Variants in TPM1 observed in about 807,000 individuals in gnomAD.
TPM1 encodes tropomyosin alpha-1 chain.
In TPM1, 24 loss-of-function variants were observed where a neutral mutation model predicts 42.9. The ratio of observed to expected loss-of-function variants is 0.56; its 90% confidence interval spans 0.41 to 0.79. The LOEUF (loss-of-function observed/expected upper bound fraction) is 0.79. Among genes scored for constraint, TPM1 ranks in the 30% least tolerant of loss-of-function variants. The probability of loss-of-function intolerance (pLI) is 0.00; values close to 1 mark genes in which losing one functional copy is unlikely to be tolerated. For synonymous variants in TPM1, 136 were observed against 130.1 expected (o/e 1.05, Z -0.31); for missense variants, 158 against 351.8 (o/e 0.45, Z 4.41).
chr15:63,070,614 A>G, downstream of TPM1: 1 of 1,008,996 alleles, frequency 9.9e-7, no homozygotes, highest in Non-Finnish European at 1.2e-6. Context: ...ACAGAAATAA[A>G]TCATTTTAAA....
intron 5 of TPM1, 121 bp from the exon 6 acceptor site, chr15:63,061,592 A>T: frequency 1.0e-6 from 1 of 954,398 alleles, no homozygotes; most frequent in Non-Finnish European, 1.7e-6. Flanking sequence ...TGATTTGGCT[A>T]CTTTAAGGCA....
intron 2 of TPM1, among the ~76,000 whole-genome samples, chr15:63,052,783 C>T (rs565709257): frequency 6.6e-6 from 1 of 151,076 alleles, no homozygotes; most frequent in East Asian, 1.9e-4. Flanking sequence ...AAAAAAAATA[C>T]CAGAAATAAA....
At chr15:63,048,466 G>C in intron 2 of TPM1, 1 of 1,390,280 alleles carries the variant, frequency 7.2e-7, no homozygotes, top group Non-Finnish European at 9.2e-7. Flanking sequence ...GAGAGGCCTG[G>C]GCGGGGCGGA....
exon 9 of TPM1, chr15:63,071,403 G>C: frequency 2.1e-6 from 1 of 482,454 alleles, no homozygotes; most frequent in Non-Finnish European, 3.8e-6. Context: ...ACTTTGTAGA[G>C]AGTTTAGCAA....
intron 5 of TPM1, 125 bp from the exon 6 acceptor site, chr15:63,061,588 G>A: frequency 1.1e-6 from 1 of 923,542 alleles, no homozygotes; most frequent in Non-Finnish European, 1.8e-6. Context: ...CTGATGATTT[G>A]GCTACTTTAA....
Position 63,062,569 on chromosome 15 carries a change from A to G in TPM1, c.703-7A>G. The G allele has an allele frequency of 1.9e-6, 3 of 1,614,194 alleles. No individual in the cohort carries two copies. The highest frequency in any genetic ancestry group is 2.5e-6 in the Non-Finnish European group (3 of 1,180,004). On this transcript the variant is annotated splice_polypyrimidine_tract_variant and splice_region_variant and intron_variant, in intron 7 of 9. Transcript: ENST00000403994. ...TTCCCAACTTTAACTCAAATAAATC[A>G]TTACAGGCTGAGACTCGGGCTGAGT...
intron 4 of TPM1, among the ~76,000 whole-genome samples, chr15:63,060,422 T>C (rs2035459047): frequency 6.6e-6 from 1 of 152,224 alleles, no homozygotes; most frequent in African/African-American, 2.4e-5. Context: ...CTCACGTTAG[T>C]GTCTCTTGTA....
At chr15:63,048,635 G>T (rs1205318611) in intron 2 of TPM1, 2 of 1,537,232 alleles carry the variant, frequency 1.3e-6, no homozygotes, top group Non-Finnish European at 1.8e-6. Context: ...TGCAGGAGCA[G>T]GCGGACGCCG....
At chr15:63,055,128 C>T (rs538414694) in intron 2 of TPM1, among the ~76,000 whole-genome samples, 5 of 151,928 alleles carry the variant, frequency 3.3e-5, no homozygotes, top group Non-Finnish European at 7.4e-5. Flanking sequence ...ACACCAGAAA[C>T]AACAGTCATC....
At chr15:63,044,734 G>T (rs2032012198) in intron 2 of TPM1, 2 of 174,690 alleles carry the variant, frequency 1.1e-5, no homozygotes, top group Middle Eastern at 5.9e-3. Context: ...TGCCTGGGAA[G>T]ATGATACTTG....
chr15:63,070,290 G>GTGTGTATA (rs946549260), downstream of TPM1: 51 of 503,000 alleles, frequency 1.0e-4, no homozygotes, highest in African/African-American at 1.1e-3. Flanking sequence ...CTTTAAGTAT[G>GTGTGTATA]TATATATATA....
At chr15:63,064,210 G>T in intron 9 of TPM1, 68 bp downstream of exon 9, 1 of 1,573,252 alleles carries the variant, frequency 6.4e-7, no homozygotes. Flanking sequence ...TCACCACCAT[G>T]CCTTCCTTGC....
chr15:63,043,524 T>C (rs1439388052), intron 1 of TPM1: 2 of 973,294 alleles, frequency 2.1e-6, no homozygotes, highest in Non-Finnish European at 3.1e-6. Flanking sequence ...CAGGTGGGTG[T>C]GCGGGGTGAG....
intron 2 of TPM1, 70 bp downstream of exon 2, chr15:63,044,222 G>A: frequency 2.5e-6 from 4 of 1,611,932 alleles, no homozygotes; most frequent in Non-Finnish European, 3.4e-6. Flanking sequence ...CCACAGGGCT[G>A]GAGAGCAATG....
At chr15:63,068,960 A>G (rs868845351), downstream of TPM1, among the ~76,000 whole-genome samples, 124 of 150,896 alleles carry the variant, frequency 8.2e-4, 1 homozygote, top group Middle Eastern at 0.01. Flanking sequence ...CATTCTGGCT[A>G]ACACGGTGAA....
downstream of TPM1, among the ~76,000 whole-genome samples, chr15:63,068,010 G>C (rs191033394): frequency 6.6e-5 from 10 of 152,302 alleles, no homozygotes; most frequent in African/African-American, 2.4e-4. Context: ...TGACCCTCTG[G>C]ATTCTCCAGA....
rs370357718 is a variant in TPM1, at chr15:63,064,019, A to G, written c.773-45A>G. The G allele has an allele frequency of 3.0e-5, 48 of 1,609,468 alleles. No individual in the cohort carries two copies. In the African/African-American group the frequency reaches 5.9e-4, roughly 20 times the overall value. ...CTCACTCACCCTCCATTTCTTGATC[A>G]CTCTCCATGTTCTTGCACCTCTGCC... is the stretch of plus-strand genomic sequence containing the variant. On this transcript the variant is annotated intron_variant, in intron 8 of 9. Coordinates refer to ENST00000403994, the MANE Select transcript of TPM1 (RefSeq NM_001018005.2).
At chr15:63,044,890 C>T (rs1034224428) in intron 2 of TPM1, 2 of 154,472 alleles carry the variant, frequency 1.3e-5, no homozygotes, top group Non-Finnish European at 2.9e-5. Context: ...TGACAACCAC[C>T]ACATAGTTGC....
chr15:63,044,338 A>C, intron 2 of TPM1, 186 bp downstream of exon 2: 1 of 827,230 alleles, frequency 1.2e-6, no homozygotes, highest in Non-Finnish European at 2.0e-6. Context: ...TTTATATTTC[A>C]TCCACTCCTC....
Sources: gnomAD v4.1 joint callset for allele counts (sites outside exome capture counted in the v4.1 genomes callset) on GRCh38, gnomAD v4.1.1 for gene constraint, MANE v1.5 for transcripts, NCBI Gene and HGNC (gene_info 2026-07-23, HGNC 2026-07-21) for gene names.